Variants in AFF2 observed in about 807,000 individuals in gnomAD.
AFF2 encodes ALF transcription elongation factor 2.
A neutral mutation model predicts 76.9 loss-of-function variants in AFF2; 14 were observed. The ratio of observed to expected loss-of-function variants is 0.18; its 90% CI spans 0.12 to 0.28. The LOEUF (loss-of-function observed/expected upper bound fraction) is 0.28. Ranked by LOEUF, AFF2 falls within the 10% of genes least tolerant of loss-of-function variation. The pLI is 1.00. For missense variants in AFF2, 868 were observed against 1,001.1 expected (o/e 0.87, Z 1.79); for synonymous variants, 398 against 366.7 (o/e 1.09, Z -0.98).
At chrX:148,682,349 G>A (rs1363551154) in intron 3 of AFF2, among the ~76,000 whole-genome samples, 5 of 111,794 alleles carry the variant, frequency 4.5e-5, no homozygotes, top group Admixed American at 9.5e-5. Context: ...GCTTGTTCCC[G>A]ACATCTACAA....
intron 3 of AFF2, among the ~76,000 whole-genome samples, chrX:148,751,038 C>A (rs2055492661): frequency 8.9e-6 from 1 of 112,169 alleles, no homozygotes; most frequent in South Asian, 3.8e-4. Flanking sequence ...TATTTTCATT[C>A]TGTGAGCTGA....
chrX:148,690,010 T>A (rs1031782820), intron 3 of AFF2, among the ~76,000 whole-genome samples: 2 of 112,247 alleles, frequency 1.8e-5, no homozygotes, highest in African/African-American at 6.5e-5. Flanking sequence ...TCCTGTGCAG[T>A]TTAAATATAA....
At chrX:148,691,435 T>C (rs2054650079) in intron 3 of AFF2, among the ~76,000 whole-genome samples, 1 of 112,066 alleles carries the variant, frequency 8.9e-6, no homozygotes, top group Non-Finnish European at 1.9e-5. Flanking sequence ...AAGAAACTCA[T>C]AGTCTAGAGC....
intron 1 of AFF2, among the ~76,000 whole-genome samples, chrX:148,526,177 C>T (rs782699041): frequency 5.4e-5 from 6 of 111,134 alleles, no homozygotes; most frequent in Admixed American, 9.6e-5. Flanking sequence ...TTCATTTAGT[C>T]GGTGGATTCT....
chrX:148,838,605 A>G (rs1385739326), intron 5 of AFF2, among the ~76,000 whole-genome samples: 1 of 111,738 alleles, frequency 8.9e-6, no homozygotes, highest in Non-Finnish European at 1.9e-5. Context: ...CCGCATGCAT[A>G]AGACTAGTGT....
At chrX:148,510,526 T>C (rs782027130) in intron 1 of AFF2, among the ~76,000 whole-genome samples, 1 of 111,685 alleles carries the variant, frequency 9.0e-6, no homozygotes, top group Non-Finnish European at 1.9e-5. Flanking sequence ...TATAGTAGAC[T>C]GGGCTAATGA....
chrX:148,574,108 C>T (rs1371258737), intron 1 of AFF2, among the ~76,000 whole-genome samples: 2 of 111,050 alleles, frequency 1.8e-5, no homozygotes, highest in African/African-American at 6.5e-5. Flanking sequence ...CCTGAATCAT[C>T]CAAAGAAAGA....
intron 3 of AFF2, among the ~76,000 whole-genome samples, chrX:148,794,704 C>G (rs2069943999): frequency 9.0e-6 from 1 of 111,293 alleles, no homozygotes; most frequent in African/African-American, 3.3e-5. Context: ...TGATGGTCAG[C>G]TTGGAATTTG....
chrX:148,891,329 G>T (rs1215309628), intron 8 of AFF2, among the ~76,000 whole-genome samples: 2 of 111,585 alleles, frequency 1.8e-5, no homozygotes, highest in Non-Finnish European at 3.8e-5. Flanking sequence ...TGAAAATCAG[G>T]AGTTAAACCT....
rs781963839 is a variant in AFF2, at chrX:148,674,391, A to G, written c.1041+11623A>G. Among the ~76,000 whole-genome samples the G allele has an allele frequency of 1.8e-4, 20 of 111,730 alleles. No individual in the cohort carries two copies. In the South Asian group the frequency reaches 7.2e-3, roughly 40 times the overall value. On this transcript the variant is annotated intron_variant, in intron 3 of 20. Coordinates refer to ENST00000370460, the MANE Select transcript of AFF2 (RefSeq NM_002025.4). ...TCTTGTGCCTGTTATCAACAGGAAGATGGTTTTTAGAAAGTGGGGAAAGTC... is the reference window on the plus strand; with the variant it reads ...TCTTGTGCCTGTTATCAACAGGAAGGTGGTTTTTAGAAAGTGGGGAAAGTC...
At chrX:148,623,269 C>A (rs1411691633) in intron 1 of AFF2, among the ~76,000 whole-genome samples, 1 of 111,132 alleles carries the variant, frequency 9.0e-6, no homozygotes, top group Non-Finnish European at 1.9e-5. Flanking sequence ...GACTTCCATG[C>A]AGAAGACCAT....
intron 1 of AFF2, among the ~76,000 whole-genome samples, chrX:148,504,213 C>T (rs2052382969): frequency 9.0e-6 from 1 of 110,616 alleles, no homozygotes; most frequent in South Asian, 3.9e-4. Flanking sequence ...CTGTAAGCAC[C>T]TCCCACCCAG....
At chrX:148,960,956 G>A (rs1285277351) in intron 12 of AFF2, among the ~76,000 whole-genome samples, 1 of 111,792 alleles carries the variant, frequency 8.9e-6, no homozygotes, top group Non-Finnish European at 1.9e-5. Context: ...TGCTCCCTAG[G>A]TGTCTTTCAC....
chrX:148,616,109 G>A (rs781819841), intron 1 of AFF2, among the ~76,000 whole-genome samples: 1 of 111,608 alleles, frequency 9.0e-6, no homozygotes, highest in South Asian at 3.7e-4. Context: ...CCTTGTTCTT[G>A]TCTGCATCCC....
chrX:148,806,277 CCAGTGTG>C (rs1448200666), intron 3 of AFF2, among the ~76,000 whole-genome samples: 2 of 112,461 alleles, frequency 1.8e-5, no homozygotes, highest in African/African-American at 6.5e-5. Flanking sequence ...CAGCTTTCTT[CCAGTGTG>C]CAGAGTGACC....
chrX:148,733,774 A>G (rs1557264882), intron 3 of AFF2, among the ~76,000 whole-genome samples: 2 of 111,704 alleles, frequency 1.8e-5, no homozygotes, highest in Admixed American at 9.5e-5. Flanking sequence ...GGCTTTCAGA[A>G]AGTCCCACCA....
At chrX:148,806,522 C>T (rs781870276) in intron 3 of AFF2, among the ~76,000 whole-genome samples, 3 of 111,648 alleles carry the variant, frequency 2.7e-5, no homozygotes, top group African/African-American at 3.3e-5. Flanking sequence ...TCTGTTTCCC[C>T]GTAAATGTTG....
rs868989656 is a variant in AFF2, at chrX:148,581,122, C to T, written c.48-70877C>T. ...GTATATATACACATACGTATACACA[C>T]ATATACGTATACGTATACACACATA... On this transcript the variant is annotated intron_variant, in intron 1 of 20. Coordinates refer to ENST00000370460, the MANE Select transcript of AFF2 (RefSeq NM_002025.4). Among the ~76,000 whole-genome samples, 28 of 35,737 alleles carry T rather than the reference C, an allele frequency of 7.8e-4. No individual in the cohort carries two copies. The East Asian group carries it at 0.025, about 32-fold the overall frequency. The allele number at this position is 35,737 out of a possible 115,157, so 31.0% of individuals were successfully genotyped here.
Position 148,736,098 on chromosome X carries a change from C to T in AFF2, c.1041+73330C>T, listed in dbSNP as rs191144116. On this transcript the variant is annotated intron_variant, in intron 3 of 20. Coordinates refer to ENST00000370460, the MANE Select transcript of AFF2 (RefSeq NM_002025.4). ...AACATGCATGTGTGAGTATCTTTTT[C>T]CTATAATGATCTGTTTTCCTCTGGT... Among the ~76,000 whole-genome samples, 370 of 111,810 alleles carry T rather than the reference C, an allele frequency of 3.3e-3. 4 individuals are homozygous for T. The highest frequency in any genetic ancestry group is 0.011 in the African/African-American group (352 of 30,779).
Sources: allele counts gnomAD v4.1 joint callset (sites outside exome capture counted in the v4.1 genomes callset), GRCh38; gene constraint gnomAD v4.1.1; transcripts MANE v1.5; gene names NCBI Gene and HGNC (gene_info 2026-07-23, HGNC 2026-07-21).